The following ASTN1 variants were observed in gnomAD, a reference collection of about 807,000 sequenced individuals.
ASTN1 encodes astrotactin-1.
A neutral mutation model predicts 140.7 loss-of-function variants in ASTN1; 41 were observed. The observed-to-expected ratio is 0.29, with a 90% CI of 0.23 to 0.38. The LOEUF (loss-of-function observed/expected upper bound fraction) is 0.38, where lower values mean the gene tolerates loss of function less well. Ranked by LOEUF, ASTN1 falls within the 10% of genes least tolerant of loss-of-function variation. The pLI, the probability that ASTN1 is intolerant of heterozygous loss-of-function variation, is 1.00. For synonymous variants in ASTN1, 640 were observed against 652.2 expected, an observed-to-expected ratio of 0.98 and a Z score of 0.29; for missense variants, 1,479 against 1,678.8, an observed-to-expected ratio of 0.88 and a Z score of 2.08.
At chr1:177,149,025 T>G (rs1163226240) in intron 1 of ASTN1, among the ~76,000 whole-genome samples, 1 of 135,968 alleles carries the variant, frequency 7.4e-6, no homozygotes, top group Non-Finnish European at 1.5e-5. Flanking sequence ...AGGAAGGAGA[T>G]ATATATATAT....
chr1:176,871,790 G>A (rs529959867), intron 21 of ASTN1, among the ~76,000 whole-genome samples: 4 of 152,194 alleles, frequency 2.6e-5, no homozygotes, highest in Non-Finnish European at 5.9e-5. Context: ...ATGGAAAATA[G>A]TATAGGTATT....
intron 21 of ASTN1, among the ~76,000 whole-genome samples, chr1:176,872,286 T>C (rs974714174): frequency 2.0e-5 from 3 of 152,122 alleles, no homozygotes; most frequent in Non-Finnish European, 2.9e-5. Context: ...GAGTGCTTAC[T>C]ATGTGCCTGA....
intron 1 of ASTN1, among the ~76,000 whole-genome samples, chr1:177,103,006 G>T (rs1680373425): frequency 6.6e-6 from 1 of 152,174 alleles, no homozygotes; most frequent in Non-Finnish European, 1.5e-5. Context: ...TTATGCCTCA[G>T]TTTTCCCATA....
intron 8 of ASTN1, among the ~76,000 whole-genome samples, chr1:177,011,202 T>A (rs1428136524): frequency 6.6e-6 from 1 of 152,222 alleles, no homozygotes; most frequent in Non-Finnish European, 1.5e-5. Flanking sequence ...CTTAGAATGA[T>A]CTTTGTTATC....
At chr1:177,161,877 T>A (rs1211832423) in intron 1 of ASTN1, among the ~76,000 whole-genome samples, 1 of 152,304 alleles carries the variant, frequency 6.6e-6, no homozygotes, top group South Asian at 2.1e-4. Context: ...CTATACCCCT[T>A]AACAGCCATA....
intron 22 of ASTN1, among the ~76,000 whole-genome samples, chr1:176,868,470 C>G (rs1668207802): frequency 6.6e-6 from 1 of 152,084 alleles, no homozygotes; most frequent in Non-Finnish European, 1.5e-5. Flanking sequence ...TATGAAAAAC[C>G]TAAATGCAAA....
intron 2 of ASTN1, 134 bp downstream of exon 2, chr1:177,060,944 G>A: frequency 2.0e-6 from 2 of 976,120 alleles, no homozygotes; most frequent in Non-Finnish European, 2.8e-6. Flanking sequence ...CCACAAATGG[G>A]AAATTTACTT....
intron 2 of ASTN1, among the ~76,000 whole-genome samples, chr1:177,047,597 G>C (rs1224531022): frequency 6.6e-6 from 1 of 152,176 alleles, no homozygotes; most frequent in African/African-American, 2.4e-5. Context: ...CAAGGCAGAA[G>C]ACAAGAGTGA....
chr1:177,010,305 G>A (rs949686035), intron 8 of ASTN1, among the ~76,000 whole-genome samples: 1 of 152,176 alleles, frequency 6.6e-6, no homozygotes, highest in Admixed American at 6.5e-5. Flanking sequence ...GAGTTATTCA[G>A]TGAATTCATA....
intron 2 of ASTN1, among the ~76,000 whole-genome samples, chr1:177,044,991 G>T (rs534025432): frequency 6.6e-6 from 1 of 152,206 alleles, no homozygotes; most frequent in East Asian, 1.9e-4. Flanking sequence ...AGCAGGCATG[G>T]GGTAATAGGT....
chr1:176,876,735 G>A lies in ASTN1; in HGVS notation c.3363-98C>T, dbSNP rs372758922. Reference sequence around the variant, plus strand: ...ATGGCCCAGCTCTGCCTGAATGGGTGGCTATGGACCCAGATACTCTCGTCA... The same window carrying A: ...ATGGCCCAGCTCTGCCTGAATGGGTAGCTATGGACCCAGATACTCTCGTCA... On this transcript the variant is annotated intron_variant, in intron 20 of 22. Coordinates refer to ENST00000361833, the MANE Select transcript of ASTN1 (RefSeq NM_004319.3). 6.2e-3 allele frequency: 7,244 copies of A among 1,167,036 alleles called. 415 individuals are homozygous for A. The South Asian group carries it at 0.095, about 15-fold the overall frequency. 72.3% of individuals were successfully genotyped at this position (1,167,036 alleles called of 1,614,324 possible).
intron 2 of ASTN1, among the ~76,000 whole-genome samples, chr1:177,052,734 T>C (rs964354726): frequency 6.6e-6 from 1 of 152,226 alleles, no homozygotes; most frequent in African/African-American, 2.4e-5. Context: ...GACAGCATCT[T>C]GTACCATTCT....
At chr1:177,004,372 TATC>T (rs1674890533) in intron 8 of ASTN1, among the ~76,000 whole-genome samples, 1 of 152,094 alleles carries the variant, frequency 6.6e-6, no homozygotes, top group South Asian at 2.1e-4. Flanking sequence ...GAAGAACCAA[TATC>T]ATGAAAATGA....
intron 1 of ASTN1, among the ~76,000 whole-genome samples, chr1:177,064,433 T>C (rs1357820224): frequency 1.3e-5 from 2 of 152,188 alleles, no homozygotes; most frequent in African/African-American, 2.4e-5. Flanking sequence ...CTCAAGAAGT[T>C]CCATACCTAT....
chr1:177,134,426 C>CT (rs901210577), intron 1 of ASTN1, among the ~76,000 whole-genome samples: 2 of 152,170 alleles, frequency 1.3e-5, no homozygotes, highest in African/African-American at 4.8e-5. Context: ...TGGGAGCAAT[C>CT]TCACTGGAGT....
At chr1:176,995,845 G>C (rs1447123499) in intron 8 of ASTN1, among the ~76,000 whole-genome samples, 1 of 152,196 alleles carries the variant, frequency 6.6e-6, no homozygotes, top group African/African-American at 2.4e-5. Context: ...GTAGAAGTGA[G>C]AGATAAAATG....
intron 5 of ASTN1, among the ~76,000 whole-genome samples, chr1:177,028,653 G>A (rs556536304): frequency 3.3e-5 from 5 of 152,300 alleles, no homozygotes; most frequent in South Asian, 4.1e-4. Flanking sequence ...TTACAGGGAC[G>A]CTGCCTAAAA....
intron 16 of ASTN1, among the ~76,000 whole-genome samples, chr1:176,898,719 G>T (rs1198429575): frequency 6.6e-6 from 1 of 152,072 alleles, no homozygotes; most frequent in Non-Finnish European, 1.5e-5. Flanking sequence ...TGCAGAAGAA[G>T]ACCCTGCCTT....
In ASTN1 at chr1:177,030,842, T is replaced by C. The variant is rs775871840; in HGVS notation, c.976A>G (p.Ser326Gly). The change falls in exon 4 of 23, where the codon AGC (serine) becomes GGC (glycine). Residue 326 changes from serine (S) to glycine (G), a missense_variant. Transcript: ENST00000361833. ...TTGTTGATCCGCTTTCTCTGGCTGCTGGAGGTGTGAGAGAGAAGGGTGGCT... is the reference window on the plus strand; with the variant it reads ...TTGTTGATCCGCTTTCTCTGGCTGCCGGAGGTGTGAGAGAGAAGGGTGGCT... ...QQATLLSHTS[S>G]SQRKRINNKA... is the part of the protein sequence containing the mutation. 1.9e-6 allele frequency: 3 copies of C among 1,614,060 alleles called. No individual in the cohort carries two copies. In the African/African-American group the frequency reaches 4.0e-5, roughly 22 times the overall value.
Sources: gnomAD v4.1 joint callset for allele counts (sites outside exome capture counted in the v4.1 genomes callset) on GRCh38, gnomAD v4.1.1 for gene constraint, MANE v1.5 for transcripts, NCBI Gene and HGNC (gene_info 2026-07-23, HGNC 2026-07-21) for gene names.